The following ACER3 variants were observed in gnomAD, a reference collection of about 807,000 sequenced individuals.
ACER3 encodes alkCDase 3.
In ACER3, 16 loss-of-function variants were observed where a neutral mutation model predicts 48.9. The ratio of observed to expected loss-of-function variants is 0.33; its 90% CI spans 0.22 to 0.50. The LOEUF (loss-of-function observed/expected upper bound fraction) is 0.50. Among genes scored for constraint, ACER3 ranks in the 20% least tolerant of loss-of-function variants. The probability of loss-of-function intolerance (pLI) is 0.98; values close to 1 mark genes in which losing one functional copy is unlikely to be tolerated. For missense variants in ACER3, 227 were observed against 326.0 expected (o/e 0.70, Z 2.34); for synonymous variants, 109 against 107.8 (o/e 1.01, Z -0.07).
At chr11:76,935,787 T>G (rs1947163333) in intron 2 of ACER3, among the ~76,000 whole-genome samples, 1 of 152,228 alleles carries the variant, frequency 6.6e-6, no homozygotes, top group Non-Finnish European at 1.5e-5. Context: ...TTAAATTAAT[T>G]ACATTTAAAT....
In ACER3 at chr11:76,996,787, G is replaced by A. The variant is rs535035023; in HGVS notation, c.439-1976G>A. 5.6e-5 allele frequency among the ~76,000 whole-genome samples: 8 copies of A among 143,662 alleles called. No individual in the cohort carries two copies. The South Asian group carries it at 1.6e-3, about 28-fold the overall frequency. 94.2% of individuals were successfully genotyped at this position (143,662 alleles called of 152,430 possible). A position where few individuals can be genotyped will look rare whatever the true frequency, so the allele number is the denominator to read the frequency against. ...GTCGCCCAGGCTAGAGTGCAGTGGT[G>A]CAATCTTAGCTCACTGCAACCTCTG... On this transcript the variant is annotated intron_variant, in intron 6 of 10. Transcript: ENST00000532485.
chr11:76,926,293 T>C (rs2134811275), intron 1 of ACER3, among the ~76,000 whole-genome samples: 1 of 152,338 alleles, frequency 6.6e-6, no homozygotes, highest in East Asian at 1.9e-4. Flanking sequence ...TTTTCTTGCT[T>C]GCCTTTAGAA....
At chr11:76,874,357 G>A (rs1945314334) in intron 1 of ACER3, among the ~76,000 whole-genome samples, 1 of 151,084 alleles carries the variant, frequency 6.6e-6, no homozygotes, top group African/African-American at 2.4e-5. Context: ...GCAAATATTA[G>A]GTACTTAATA....
rs552000019 is a variant in ACER3, at chr11:77,016,068, C to T, written c.600-607C>T. Among the ~76,000 whole-genome samples the T allele has an allele frequency of 2.2e-3, 311 of 144,414 alleles. 1 individual carries two copies. Among genetic ancestry groups the T allele is most frequent in the African/African-American group, 7.8e-3 (302 of 38,668 alleles). The allele number at this position is 144,414 out of a possible 152,430, so 94.7% of individuals were successfully genotyped here. A position where few individuals can be genotyped will look rare whatever the true frequency, so the allele number is the denominator to read the frequency against. ...GTTGCAGTGAGCCGAGATCGTGCTA[C>T]TGTACTCCAGCCTGGGCGACAGAGC... On this transcript the variant is annotated intron_variant, in intron 8 of 10. Transcript: ENST00000532485.
At chr11:76,934,547 G>A (rs1947119779) in intron 2 of ACER3, among the ~76,000 whole-genome samples, 1 of 152,272 alleles carries the variant, frequency 6.6e-6, no homozygotes, top group Admixed American at 6.5e-5. Flanking sequence ...AACCAGTCAG[G>A]CGTGGCGTGC....
At chr11:76,989,826 T>C (rs755389569) in intron 5 of ACER3, among the ~76,000 whole-genome samples, 6 of 152,168 alleles carry the variant, frequency 3.9e-5, no homozygotes, top group Admixed American at 2.0e-4. Context: ...ATTTAAAAAC[T>C]GTACTCCTGT....
intron 6 of ACER3, among the ~76,000 whole-genome samples, chr11:76,993,413 A>G (rs1038026832): frequency 2.0e-5 from 3 of 152,232 alleles, no homozygotes; most frequent in African/African-American, 4.8e-5. Context: ...AGATATGGCC[A>G]CTAATCTCAA....
At chr11:76,895,223 G>T (rs1217703366) in intron 1 of ACER3, among the ~76,000 whole-genome samples, 2 of 151,716 alleles carry the variant, frequency 1.3e-5, no homozygotes. Context: ...TATGTTTTTG[G>T]GCAGATATTT....
intron 1 of ACER3, among the ~76,000 whole-genome samples, chr11:76,871,251 G>GT (rs1288436740): frequency 2.0e-5 from 3 of 152,194 alleles, no homozygotes; most frequent in African/African-American, 7.2e-5. Context: ...AAAGCAAAAA[G>GT]TATCTGAGAA....
At chr11:76,926,378 TG>T (rs1443228537) in intron 1 of ACER3, among the ~76,000 whole-genome samples, 178 bp from the exon 2 acceptor site, 2 of 152,246 alleles carry the variant, frequency 1.3e-5, no homozygotes, top group African/African-American at 2.4e-5. Flanking sequence ...TTATTTTATT[TG>T]GATTATTGTG....
chr11:76,996,892 AT>A (rs921594281), intron 6 of ACER3, among the ~76,000 whole-genome samples: 10 of 146,878 alleles, frequency 6.8e-5, no homozygotes, highest in African/African-American at 2.5e-4. Context: ...CACCTGGCTA[AT>A]TTTTGCATTT....
intron 1 of ACER3, among the ~76,000 whole-genome samples, chr11:76,889,762 A>G (rs1945760496): frequency 6.6e-6 from 1 of 151,790 alleles, no homozygotes; most frequent in Admixed American, 6.6e-5. Flanking sequence ...TTATTTTGTT[A>G]ATTCAGCCTT....
intron 4 of ACER3, among the ~76,000 whole-genome samples, chr11:76,979,993 C>G (rs766480314): frequency 6.6e-6 from 1 of 151,682 alleles, no homozygotes; most frequent in African/African-American, 2.4e-5. Flanking sequence ...ACAAAATTAG[C>G]CAGGCATGGT....
chr11:76,979,034 G>T (rs138575805), intron 4 of ACER3, among the ~76,000 whole-genome samples: 93 of 152,320 alleles, frequency 6.1e-4, no homozygotes, highest in African/African-American at 2.1e-3. Flanking sequence ...GCAGGCATGG[G>T]ATCCAGGCTG....
intron 2 of ACER3, among the ~76,000 whole-genome samples, chr11:76,938,887 G>A (rs1455527729): frequency 2.0e-5 from 3 of 151,628 alleles, no homozygotes; most frequent in South Asian, 2.1e-4. Flanking sequence ...CCAAAACTTC[G>A]TGGAGAAGTG....
chr11:77,019,892 G>C, intron 10 of ACER3, 116 bp downstream of exon 10: 1 of 1,042,726 alleles, frequency 9.6e-7, no homozygotes, highest in Non-Finnish European at 1.5e-6. Context: ...CACAGGCTTT[G>C]GAACCAAAGG....
intron 1 of ACER3, among the ~76,000 whole-genome samples, chr11:76,891,785 C>A (rs903967298): frequency 3.3e-5 from 5 of 152,042 alleles, no homozygotes; most frequent in African/African-American, 1.2e-4. Context: ...TGGGAGAAAC[C>A]CCCACATATT....
chr11:77,025,369 G>GTTATT lies in ACER3; in HGVS notation c.*5058_*5062dup, dbSNP rs1490605830. ...TTGTATGGCCTGCAAGGTAAGAATG[G>GTTATT]TTATTTTATTTTATTTTATTCTTTA... On this transcript the variant is annotated 3_prime_UTR_variant, in exon 11 of 11. Transcript: ENST00000532485. The GTTATT allele has an allele frequency of 1.2e-4, 17 of 137,692 alleles. No individual in the cohort carries two copies. The highest frequency in any genetic ancestry group is 3.9e-4 in the African/African-American group (13 of 33,180). 8.5% of individuals were successfully genotyped at this position (137,692 alleles called of 1,614,324 possible).
At chr11:76,995,414 TTC>T (rs920482661) in intron 6 of ACER3, among the ~76,000 whole-genome samples, 1 of 152,244 alleles carries the variant, frequency 6.6e-6, no homozygotes, top group Admixed American at 6.5e-5. Context: ...CAGCCCATCC[TTC>T]TCTGTGTTAT....
Sources: allele counts gnomAD v4.1 joint callset (sites outside exome capture counted in the v4.1 genomes callset), GRCh38; gene constraint gnomAD v4.1.1; transcripts MANE v1.5; gene names NCBI Gene and HGNC (gene_info 2026-07-23, HGNC 2026-07-21).